RCAN3: variants seen among roughly 807,000 people sequenced by gnomAD.
The protein encoded by RCAN3 is calcipressin-3.
RCAN3 carries 19 observed loss-of-function variants against 21.9 expected under a neutral mutation model. The ratio of observed to expected loss-of-function variants is 0.87; its 90% CI spans 0.61 to 1.27. The LOEUF (loss-of-function observed/expected upper bound fraction) is 1.27, where lower values mean the gene tolerates loss of function less well. Ranked by LOEUF, RCAN3 falls within the 50% of genes most tolerant of loss-of-function variation. The probability of loss-of-function intolerance (pLI) is 0.00; values close to 1 mark genes in which losing one functional copy is unlikely to be tolerated. For synonymous variants in RCAN3, 114 were observed against 112.3 expected (o/e 1.01, Z -0.09); for missense variants, 240 against 300.1 (o/e 0.80, Z 1.48).
At chr1:24,530,742 G>A (rs542490465) in intron 2 of RCAN3, among the ~76,000 whole-genome samples, 2 of 152,306 alleles carry the variant, frequency 1.3e-5, no homozygotes, top group African/African-American at 4.8e-5. Flanking sequence ...CCAGCTTGGT[G>A]GCTCACGCCT....
At chr1:24,518,123 G>A (rs769114566) in intron 2 of RCAN3, among the ~76,000 whole-genome samples, 3 of 152,110 alleles carry the variant, frequency 2.0e-5, no homozygotes, top group African/African-American at 4.8e-5. Flanking sequence ...CCAGGAGTTC[G>A]AGACCAGCCT....
At chr1:24,519,622 G>T (rs1648633691) in intron 2 of RCAN3, among the ~76,000 whole-genome samples, 1 of 152,084 alleles carries the variant, frequency 6.6e-6, no homozygotes, top group Non-Finnish European at 1.5e-5. Flanking sequence ...TTTGATTTGT[G>T]TTTCTGATTA....
At position 24,508,124 on chromosome 1, in the gene RCAN3, A is replaced by G. The variant is rs773761588; in HGVS notation, c.-60+4974A>G. Among the ~76,000 whole-genome samples, 52 of 152,208 alleles carry G rather than the reference A, an allele frequency of 3.4e-4. 1 individual carries two copies. Among genetic ancestry groups the G allele is most frequent in the Non-Finnish European group, 8.8e-5 (6 of 68,032 alleles). On this transcript the variant is annotated intron_variant, in intron 1 of 4. Transcript: ENST00000374395. ...AGTGAAACTCCGTCTCAAAAAAAAA[A>G]GAAAGAAAAAGTGAAAAATACAAGA... is the stretch of plus-strand genomic sequence containing the variant.
chr1:24,523,570 T>C (rs1035671055), intron 2 of RCAN3, among the ~76,000 whole-genome samples: 1 of 151,538 alleles, frequency 6.6e-6, no homozygotes, highest in Non-Finnish European at 1.5e-5. Flanking sequence ...CACACACATA[T>C]ATAAAGGTAT....
chr1:24,523,361 C>T (rs762314603), intron 2 of RCAN3, among the ~76,000 whole-genome samples: 5 of 151,648 alleles, frequency 3.3e-5, no homozygotes, highest in African/African-American at 4.8e-5. Flanking sequence ...TATTTGGAGT[C>T]GACATGATTG....
At chr1:24,524,480 A>C (rs567455220) in intron 2 of RCAN3, among the ~76,000 whole-genome samples, 13 of 152,332 alleles carry the variant, frequency 8.5e-5, no homozygotes, top group Non-Finnish European at 1.8e-4. Flanking sequence ...ACAAGTACTC[A>C]GATTATCAAA....
At position 24,504,855 on chromosome 1, in the gene RCAN3, AGTTATTCTTTAAAACCT is replaced by A. The variant is rs1489897721; in HGVS notation, c.-60+1709_-60+1725del. On this transcript the variant is annotated intron_variant, in intron 1 of 4. Coordinates refer to ENST00000374395, the MANE Select transcript of RCAN3 (RefSeq NM_013441.4). ...CATCAGTCTTATATATCTCAACTTC[AGTTATTCTTTAAAACCT>A]GTTGTTTTCATATGTTTTGTAGGCT... Among the ~76,000 whole-genome samples, 5 of 152,186 alleles carry A rather than the reference AGTTATTCTTTAAAACCT, an allele frequency of 3.3e-5. No homozygotes were observed. In the East Asian group the frequency reaches 9.6e-4, roughly 29 times the overall value.
At chr1:24,510,251 A>G (rs929174480) in intron 1 of RCAN3, among the ~76,000 whole-genome samples, 3 of 152,228 alleles carry the variant, frequency 2.0e-5, no homozygotes, top group Admixed American at 6.5e-5. Context: ...GCCGCTAACA[A>G]AAGAGTCAGC....
At chr1:24,527,496 T>A (rs2148907742) in intron 2 of RCAN3, among the ~76,000 whole-genome samples, 2 of 152,282 alleles carry the variant, frequency 1.3e-5, no homozygotes, top group East Asian at 3.9e-4. Flanking sequence ...TCCTCAATAA[T>A]GAAGGATATT....
At chr1:24,514,616 T>C (rs1460980196) in intron 2 of RCAN3, 49 bp downstream of exon 2, 1 of 1,544,288 alleles carries the variant, frequency 6.5e-7, no homozygotes, top group Admixed American at 1.8e-5. Flanking sequence ...GTTAAATGTG[T>C]ATGGATTTGG....
At chr1:24,515,004 G>A (rs1489100771) in intron 2 of RCAN3, among the ~76,000 whole-genome samples, 1 of 151,904 alleles carries the variant, frequency 6.6e-6, no homozygotes, top group Non-Finnish European at 1.5e-5. Flanking sequence ...TCCACTTTTA[G>A]ATGTTGCCGC....
At chr1:24,505,993 T>TG (rs1463417494) in intron 1 of RCAN3, among the ~76,000 whole-genome samples, 17 of 152,198 alleles carry the variant, frequency 1.1e-4, no homozygotes, top group African/African-American at 4.1e-4. Context: ...TCATGCTACT[T>TG]GGAGTTTTTC....
At position 24,540,946 on chromosome 1, in the gene RCAN3, A is replaced by C. The variant is rs1650456039; in HGVS notation, c.*5669A>C. On this transcript the variant is annotated 3_prime_UTR_variant, in exon 5 of 5. Transcript: ENST00000374395. ...CTTGTCCTATCAAGATGACAAAAGC[A>C]GAATGTAATTTTTTTTTGGAAGCTT... The C allele has an allele frequency of 6.6e-6, 1 of 152,264 alleles. No individual in the cohort carries two copies. The highest frequency in any genetic ancestry group is 6.5e-5 in the Admixed American group (1 of 15,288). 9.4% of individuals were successfully genotyped at this position (152,264 alleles called of 1,614,324 possible). A position where few individuals can be genotyped will look rare whatever the true frequency, so the allele number is the denominator to read the frequency against.
chr1:24,523,801 A>G (rs549156166), intron 2 of RCAN3, among the ~76,000 whole-genome samples: 12 of 152,298 alleles, frequency 7.9e-5, no homozygotes, highest in South Asian at 2.1e-4. Context: ...AGCATCTTCA[A>G]TTACCTTCAA....
Position 24,514,556 on chromosome 1 carries a change from C to G in RCAN3, c.184C>G (p.Arg62Gly). Residue 62 changes from arginine to glycine, a missense_variant, in exon 2 of 5, where the codon CGA becomes GGA. Coordinates refer to ENST00000374395, the MANE Select transcript of RCAN3 (RefSeq NM_013441.4). Reference protein sequence around the residue: ...CSVHEAVFEAREQKERFEALF... With the variant: ...CSVHEAVFEAGEQKERFEALF... ...CGTCCATGAAGCAGTGTTTGAGGCA[C>G]GAGAGCAGAAGGTAGGCATCTATCC... 1.2e-6 allele frequency: 2 copies of G among 1,613,588 alleles called. No individual in the cohort carries two copies. The highest frequency in any genetic ancestry group is 1.7e-6 in the Non-Finnish European group (2 of 1,179,730).
At chr1:24,534,467 C>T (rs969993645) in intron 4 of RCAN3, among the ~76,000 whole-genome samples, 10 of 152,030 alleles carry the variant, frequency 6.6e-5, no homozygotes, top group Admixed American at 5.9e-4. Context: ...ATTAGCCGGG[C>T]GTGATAGCGG....
rs1380237458 is a variant in RCAN3, at chr1:24,535,354, G to C, written c.*77G>C. ...GCTCTGTGCCTGCGGCCGATGCGTT[G>C]CTGCGAACAGCATAGGTGAGACTCT... On this transcript the variant is annotated 3_prime_UTR_variant, in exon 5 of 5. Coordinates refer to ENST00000374395, the MANE Select transcript of RCAN3 (RefSeq NM_013441.4). The C allele has an allele frequency of 6.9e-7, 1 of 1,448,712 alleles. No homozygotes were observed. Among genetic ancestry groups the C allele is most frequent in the African/African-American group, 1.5e-5 (1 of 68,908 alleles). 89.7% of individuals were successfully genotyped at this position (1,448,712 alleles called of 1,614,324 possible). A position where few individuals can be genotyped will look rare whatever the true frequency, so the allele number is the denominator to read the frequency against.
intron 2 of RCAN3, among the ~76,000 whole-genome samples, chr1:24,518,732 A>C (rs925867566): frequency 6.6e-6 from 1 of 152,022 alleles, no homozygotes; most frequent in African/African-American, 2.4e-5. Flanking sequence ...AGCTGGGACT[A>C]TAGGCATGCA....
intron 2 of RCAN3, among the ~76,000 whole-genome samples, chr1:24,517,975 T>G (rs2148899441): frequency 6.6e-6 from 1 of 152,352 alleles, no homozygotes; most frequent in Non-Finnish European, 1.5e-5. Flanking sequence ...AAACAGTTGC[T>G]TTTGTTGGAT....
Sources: gnomAD v4.1 joint callset for allele counts (sites outside exome capture counted in the v4.1 genomes callset) on GRCh38, gnomAD v4.1.1 for gene constraint, MANE v1.5 for transcripts, NCBI Gene and HGNC (gene_info 2026-07-23, HGNC 2026-07-21) for gene names.